PEX14: variants seen among roughly 807,000 people sequenced by gnomAD.
The protein encoded by PEX14 is peroxisomal biogenesis factor 14.
PEX14 carries 15 observed loss-of-function variants against 49.5 expected under a neutral mutation model. The observed-to-expected ratio is 0.30, with a 90% CI of 0.20 to 0.47. PEX14 has a LOEUF of 0.47. Ranked by LOEUF, PEX14 falls within the 20% of genes least tolerant of loss-of-function variation. The pLI is 1.00. For synonymous variants in PEX14, 210 were observed against 212.7 expected (o/e 0.99, Z 0.11); for missense variants, 398 against 494.8 (o/e 0.80, Z 1.86).
At chr1:10,598,112 C>G (rs946006013) in intron 3 of PEX14, among the ~76,000 whole-genome samples, 2 of 152,174 alleles carry the variant, frequency 1.3e-5, no homozygotes, top group South Asian at 2.1e-4. Context: ...GAAAAGCTCT[C>G]GGCTGTAGTT....
intron 3 of PEX14, among the ~76,000 whole-genome samples, chr1:10,579,708 C>T (rs1309681721): frequency 6.6e-6 from 1 of 152,088 alleles, no homozygotes; most frequent in Non-Finnish European, 1.5e-5. Flanking sequence ...CCGATGTTGC[C>T]ATGGCGTCTG....
intron 4 of PEX14, among the ~76,000 whole-genome samples, chr1:10,612,651 A>C (rs1161839170): frequency 6.6e-6 from 1 of 152,042 alleles, no homozygotes; most frequent in Non-Finnish European, 1.5e-5. Context: ...CATGTGCTTC[A>C]GGGCCCACCC....
intron 1 of PEX14, among the ~76,000 whole-genome samples, chr1:10,479,103 G>A (rs1033517298): frequency 7.9e-5 from 12 of 151,970 alleles, no homozygotes; most frequent in East Asian, 3.9e-4. Context: ...CTGGCTGGGC[G>A]TGATGGCTCA....
At chr1:10,598,595 C>T (rs1028663353) in intron 3 of PEX14, among the ~76,000 whole-genome samples, 1 of 152,158 alleles carries the variant, frequency 6.6e-6, no homozygotes, top group African/African-American at 2.4e-5. Flanking sequence ...TAGCCAAAGG[C>T]GATACAGGCA....
intron 2 of PEX14, chr1:10,535,954 A>C: frequency 8.9e-6 from 4 of 451,922 alleles, no homozygotes; most frequent in Non-Finnish European, 1.6e-5. Context: ...ATCAGGAGGA[A>C]CAGGAAGGAT....
intron 1 of PEX14, among the ~76,000 whole-genome samples, chr1:10,491,948 G>T (rs1466742890): frequency 6.6e-6 from 1 of 152,074 alleles, no homozygotes; most frequent in African/African-American, 2.4e-5. Context: ...CTCCTGAAGT[G>T]CTGGGATTAC....
Position 10,529,293 on chromosome 1 carries a change from C to T in PEX14, c.85-6920C>T, listed in dbSNP as rs114034201. On this transcript the variant is annotated intron_variant, in intron 2 of 8. Coordinates refer to ENST00000356607, the MANE Select transcript of PEX14 (RefSeq NM_004565.3). This position sits in a 1 kb window ranked among gnomAD's most constrained non-coding sequence, Gnocchi z 4.2. The stretch of plus-strand genomic sequence containing the variant: ...CTTCTGTGGCGTGGTGACCGTCACC[C>T]GCTGCATCAGCAGCTCTGCTTTTCA... Among the ~76,000 whole-genome samples, 503 of 152,344 alleles carry T rather than the reference C, an allele frequency of 3.3e-3. 2 individuals are homozygous for T. The highest frequency in any genetic ancestry group is 0.012 in the African/African-American group (489 of 41,582).
intron 3 of PEX14, among the ~76,000 whole-genome samples, chr1:10,572,555 G>A (rs1640006912): frequency 6.6e-6 from 1 of 152,078 alleles, no homozygotes; most frequent in South Asian, 2.1e-4. Context: ...TTTTTATTTT[G>A]AGACGGAGTC....
At chr1:10,487,566 C>T (rs562658476) in intron 1 of PEX14, among the ~76,000 whole-genome samples, 1 of 136,050 alleles carries the variant, frequency 7.4e-6, no homozygotes, top group Non-Finnish European at 1.5e-5. Context: ...CTCACTGCAA[C>T]CTCTACCTCC....
intron 5 of PEX14, among the ~76,000 whole-genome samples, chr1:10,622,532 G>A (rs1386649899): frequency 1.3e-5 from 2 of 152,104 alleles, no homozygotes; most frequent in Admixed American, 1.3e-4. Flanking sequence ...TAATTTACTC[G>A]TTTGTTTCTG....
At chr1:10,589,561 TTTTGTTTGTTTGTTTG>T (rs59290449) in intron 3 of PEX14, among the ~76,000 whole-genome samples, 10,505 of 150,114 alleles carry the variant, frequency 0.07, 465 homozygotes, top group East Asian at 0.21. Context: ...ATTTTTGTAG[TTTTGTTTGTTTGTTTG>T]TTTGTTTGTT....
intron 1 of PEX14, among the ~76,000 whole-genome samples, chr1:10,486,360 GTT>G (rs201702205): frequency 4.0e-4 from 50 of 124,102 alleles, no homozygotes; most frequent in African/African-American, 1.0e-3. Flanking sequence ...AGTTTGCTGA[GTT>G]TTTTTTTTTT....
chr1:10,535,498 G>A (rs1638772982), intron 2 of PEX14, among the ~76,000 whole-genome samples: 2 of 152,218 alleles, frequency 1.3e-5, no homozygotes, highest in Admixed American at 6.5e-5. Flanking sequence ...GTGAATGGCA[G>A]TGGGTGTTGT....
intron 3 of PEX14, among the ~76,000 whole-genome samples, chr1:10,548,217 AAAAC>A (rs1451374991): frequency 5.3e-5 from 8 of 152,336 alleles, no homozygotes; most frequent in South Asian, 2.1e-4. Context: ...ACTCTGTCTC[AAAAC>A]AAACAAACAA....
At chr1:10,556,970 C>G (rs193083717) in intron 3 of PEX14, among the ~76,000 whole-genome samples, 15 of 152,168 alleles carry the variant, frequency 9.9e-5, no homozygotes, top group Admixed American at 8.5e-4. Flanking sequence ...CTTTTGGCCT[C>G]TCTTGGGACT....
rs142674711 is a variant in PEX14 at position 10,552,729 on chromosome 1, T to C, written c.169+16432T>C. Among the ~76,000 whole-genome samples, 635 of 152,326 alleles carry C rather than the reference T, an allele frequency of 4.2e-3. 5 individuals carry two copies. Among genetic ancestry groups the C allele is most frequent in the South Asian group, 0.03 (147 of 4,826 alleles). Reference sequence around the variant, plus strand: ...ATGTGGTGTGGGTGATAAAATATTATAGGTGCTATAATAGGTATCTGAGTG... The same window carrying C: ...ATGTGGTGTGGGTGATAAAATATTACAGGTGCTATAATAGGTATCTGAGTG... On this transcript the variant is annotated intron_variant, in intron 3 of 8. Transcript: ENST00000356607.
chr1:10,587,043 A>C lies in PEX14; in HGVS notation c.170-12195A>C, dbSNP rs1295611961. Among the ~76,000 whole-genome samples the C allele has an allele frequency of 2.6e-5, 4 of 152,158 alleles. No individual in the cohort carries two copies. The South Asian group carries it at 6.2e-4, about 24-fold the overall frequency. On this transcript the variant is annotated intron_variant, in intron 3 of 8. Coordinates refer to ENST00000356607, the MANE Select transcript of PEX14 (RefSeq NM_004565.3). ...GGATGTTGCTAGAGGCTGTTACTCT[A>C]TTTTTTGATCTGGATGGTAGTTACA...
At chr1:10,570,851 T>TG (rs1557850877) in intron 3 of PEX14, among the ~76,000 whole-genome samples, 16 of 138,530 alleles carry the variant, frequency 1.2e-4, no homozygotes, top group South Asian at 2.4e-4. Context: ...CAACAGGGTT[T>TG]TTTTTTTTTT....
intron 2 of PEX14, among the ~76,000 whole-genome samples, chr1:10,511,574 G>A (rs900408478): frequency 2.0e-5 from 3 of 152,164 alleles, no homozygotes; most frequent in Admixed American, 1.3e-4. Context: ...GAGATGGAGG[G>A]ACCCCTGACA....
Sources: allele counts gnomAD v4.1 joint callset (sites outside exome capture counted in the v4.1 genomes callset), GRCh38; gene constraint gnomAD v4.1.1; non-coding constraint Gnocchi (gnomAD v3.1); transcripts MANE v1.5; gene names NCBI Gene and HGNC (gene_info 2026-07-23, HGNC 2026-07-21).